Variants in SGCZ observed in about 807,000 individuals in gnomAD.
SGCZ encodes zeta-sarcoglycan.
SGCZ carries 40 observed loss-of-function variants against 41.3 expected under a neutral mutation model. The ratio of observed to expected loss-of-function variants is 0.97; its 90% CI spans 0.75 to 1.26. SGCZ has a LOEUF of 1.26. Among genes scored for constraint, SGCZ ranks in the 50% most tolerant of loss-of-function variants. SGCZ has a pLI of 0.00. For missense variants in SGCZ, 552 were observed against 369.8 expected (o/e 1.49, Z -4.04); for synonymous variants, 206 against 137.5 (o/e 1.50, Z -3.49).
At chr8:14,569,450 A>C (rs1218241402) in intron 1 of SGCZ, among the ~76,000 whole-genome samples, 1 of 152,206 alleles carries the variant, frequency 6.6e-6, no homozygotes, top group Non-Finnish European at 1.5e-5. Context: ...GCTTCAAGAA[A>C]TATATTTTCA....
chr8:14,217,054 G>A (rs896760812), intron 4 of SGCZ, among the ~76,000 whole-genome samples: 10 of 152,094 alleles, frequency 6.6e-5, no homozygotes, highest in South Asian at 2.1e-4. Context: ...TTGGGAGGCC[G>A]AGGTGGGTGG....
At chr8:14,890,195 C>T (rs567175776) in intron 1 of SGCZ, among the ~76,000 whole-genome samples, 17 of 143,658 alleles carry the variant, frequency 1.2e-4, no homozygotes, top group African/African-American at 3.1e-4. Flanking sequence ...CCAGCCTGGG[C>T]GACAGAACAA....
At chr8:14,986,927 G>A (rs542391206) in intron 1 of SGCZ, among the ~76,000 whole-genome samples, 7 of 151,956 alleles carry the variant, frequency 4.6e-5, no homozygotes, top group East Asian at 1.9e-4. Flanking sequence ...TTCTTAAAAC[G>A]TAATTGTGGA....
In SGCZ at chr8:14,520,000, C is replaced by G. The variant is rs1004385841; in HGVS notation, c.234+34732G>C. ...TTGTAAAAATATTAAGTTAATTCATCTTTTAAAACTTTTTTTTAAAAATGA... is the reference window on the plus strand; with the variant it reads ...TTGTAAAAATATTAAGTTAATTCATGTTTTAAAACTTTTTTTTAAAAATGA... On this transcript the variant is annotated intron_variant, in intron 2 of 7. Transcript: ENST00000382080. 1.3e-3 allele frequency among the ~76,000 whole-genome samples: 193 copies of G among 152,028 alleles called. 1 individual carries two copies. The highest frequency in any genetic ancestry group is 2.1e-4 in the South Asian group (1 of 4,830).
rs1800759318 is a variant in SGCZ, at chr8:15,197,280, T to C, written c.39+40305A>G. Reference sequence around the variant, plus strand: ...ATAAACCTCAAATTAGCATTTAAATTAGTGTCGACATTAACAATTTCTTTT... The same window carrying C: ...ATAAACCTCAAATTAGCATTTAAATCAGTGTCGACATTAACAATTTCTTTT... On this transcript the variant is annotated intron_variant, in intron 1 of 7. Transcript: ENST00000382080. Among the ~76,000 whole-genome samples the C allele has an allele frequency of 1.3e-5, 2 of 152,196 alleles. 1 individual carries two copies. Among genetic ancestry groups the C allele is most frequent in the South Asian group, 4.1e-4 (2 of 4,834 alleles).
intron 1 of SGCZ, among the ~76,000 whole-genome samples, chr8:14,606,559 G>C (rs1362635066): frequency 6.6e-6 from 1 of 152,132 alleles, no homozygotes; most frequent in Non-Finnish European, 1.5e-5. Context: ...AACCAAATCA[G>C]TCCCTTTGTC....
At chr8:14,429,819 G>C (rs1304084421) in intron 2 of SGCZ, among the ~76,000 whole-genome samples, 2 of 151,536 alleles carry the variant, frequency 1.3e-5, no homozygotes, top group African/African-American at 4.9e-5. Flanking sequence ...TTTATTTATT[G>C]CCATTTCAAT....
intron 1 of SGCZ, among the ~76,000 whole-genome samples, chr8:14,814,348 T>C (rs1163474506): frequency 6.6e-6 from 1 of 152,044 alleles, no homozygotes; most frequent in Non-Finnish European, 1.5e-5. Flanking sequence ...GAGTTTTTCC[T>C]AAGCGTGGAG....
At chr8:14,464,455 C>A (rs1298920323) in intron 2 of SGCZ, among the ~76,000 whole-genome samples, 1 of 149,270 alleles carries the variant, frequency 6.7e-6, no homozygotes, top group African/African-American at 2.5e-5. Context: ...CTGTCTCCAC[C>A]CTCAATTCTG....
intron 6 of SGCZ, among the ~76,000 whole-genome samples, chr8:14,103,483 G>GTTTTT (rs904538589): frequency 2.6e-5 from 4 of 152,086 alleles, no homozygotes; most frequent in Admixed American, 6.5e-5. Flanking sequence ...TTTTGTTTTT[G>GTTTTT]TTTTCTGAGG....
intron 6 of SGCZ, among the ~76,000 whole-genome samples, chr8:14,102,906 T>G (rs77397389): frequency 6.6e-6 from 1 of 152,104 alleles, no homozygotes; most frequent in African/African-American, 2.4e-5. Flanking sequence ...AATTTACAGT[T>G]TAGGATGTAG....
intron 7 of SGCZ, among the ~76,000 whole-genome samples, chr8:14,100,133 C>A (rs1801968460): frequency 6.6e-6 from 1 of 151,652 alleles, no homozygotes; most frequent in Non-Finnish European, 1.5e-5. Context: ...AGGAAAAATA[C>A]ATGCTGTTTT....
chr8:14,692,117 G>C (rs969767367), intron 1 of SGCZ, among the ~76,000 whole-genome samples: 1 of 151,622 alleles, frequency 6.6e-6, no homozygotes, highest in East Asian at 1.9e-4. Context: ...CTATAATTAA[G>C]AAAAATAAAA....
At chr8:14,792,302 T>C (rs974866517) in intron 1 of SGCZ, among the ~76,000 whole-genome samples, 2 of 152,332 alleles carry the variant, frequency 1.3e-5, no homozygotes, top group Admixed American at 6.5e-5. Context: ...GACACACTAA[T>C]CAATATAGGT....
intron 1 of SGCZ, among the ~76,000 whole-genome samples, chr8:14,844,366 A>G (rs142514178): frequency 2.9e-4 from 44 of 152,300 alleles, no homozygotes; most frequent in African/African-American, 9.4e-4. Flanking sequence ...AGAATAATAT[A>G]TCCTTTCCTA....
At chr8:14,893,452 T>C (rs998520510) in intron 1 of SGCZ, among the ~76,000 whole-genome samples, 3 of 152,158 alleles carry the variant, frequency 2.0e-5, no homozygotes, top group Non-Finnish European at 4.4e-5. Context: ...TTGTGGTAAT[T>C]TTTTACAACA....
chr8:14,788,857 C>T (rs186308219), intron 1 of SGCZ, among the ~76,000 whole-genome samples: 6 of 152,162 alleles, frequency 3.9e-5, no homozygotes, highest in Non-Finnish European at 8.8e-5. Context: ...ACACCTGTAA[C>T]CCCAGTGCTT....
chr8:14,480,465 A>G (rs1356168354), intron 2 of SGCZ, among the ~76,000 whole-genome samples: 1 of 152,044 alleles, frequency 6.6e-6, no homozygotes, highest in Non-Finnish European at 1.5e-5. Context: ...TATTATTTCA[A>G]TGTTTACCCT....
chr8:14,246,406 T>C (rs1277648428), intron 3 of SGCZ, among the ~76,000 whole-genome samples: 1 of 146,170 alleles, frequency 6.8e-6, no homozygotes, highest in East Asian at 2.1e-4. Flanking sequence ...TCAGAACACA[T>C]GGACACAGGA....
Sources: gnomAD v4.1 joint callset for allele counts (sites outside exome capture counted in the v4.1 genomes callset) on GRCh38, gnomAD v4.1.1 for gene constraint, MANE v1.5 for transcripts, NCBI Gene and HGNC (gene_info 2026-07-23, HGNC 2026-07-21) for gene names.